RIN3: variants seen among roughly 807,000 people sequenced by gnomAD.
RIN3 encodes Ras and Rab interactor 3.
A neutral mutation model predicts 76.3 loss-of-function variants in RIN3; 54 were observed. The observed-to-expected ratio is 0.71, with a 90% confidence interval of 0.57 to 0.89. RIN3 has a LOEUF of 0.89. RIN3 is among the 40% of genes least tolerant of loss of function. The pLI, the probability that RIN3 is intolerant of heterozygous loss-of-function variation, is 0.00. For missense variants in RIN3, 1,256 were observed against 1,322.1 expected (o/e 0.95, Z 0.78); for synonymous variants, 576 against 564.0 (o/e 1.02, Z -0.30).
chr14:92,562,672 T>C (rs950832108), intron 2 of RIN3, among the ~76,000 whole-genome samples: 1 of 152,132 alleles, frequency 6.6e-6, no homozygotes, highest in Admixed American at 6.5e-5. Flanking sequence ...TCACTGTGCA[T>C]GTGGGTGTGT....
At chr14:92,530,293 A>G (rs968626695) in intron 1 of RIN3, among the ~76,000 whole-genome samples, 7 of 152,192 alleles carry the variant, frequency 4.6e-5, no homozygotes, top group African/African-American at 1.4e-4. Context: ...TCTCACCTTC[A>G]GTGACATTGA....
chr14:92,667,159 C>T (rs989153492), intron 7 of RIN3, among the ~76,000 whole-genome samples: 1 of 152,040 alleles, frequency 6.6e-6, no homozygotes, highest in East Asian at 1.9e-4. Context: ...GTGACATTGA[C>T]GGGGTAGAGA....
intron 2 of RIN3, among the ~76,000 whole-genome samples, chr14:92,556,338 TA>T (rs142920317): frequency 8.7e-5 from 13 of 148,708 alleles, no homozygotes; most frequent in African/African-American, 2.7e-4. Context: ...AGAGCCAGGG[TA>T]AAAAAAAAAT....
At chr14:92,625,569 C>T (rs1054039077) in intron 4 of RIN3, among the ~76,000 whole-genome samples, 1 of 152,146 alleles carries the variant, frequency 6.6e-6, no homozygotes, top group African/African-American at 2.4e-5. Context: ...GTTTCTTTTT[C>T]CTTCCCCAAC....
In RIN3 at chr14:92,570,641, G is replaced by A. The variant is rs867567593; in HGVS notation, c.250-6719G>A. On this transcript the variant is annotated intron_variant, in intron 2 of 9. Transcript: ENST00000216487. ...CACGCCATTGCACTCCAGCCTCAGC[G>A]ACAAAGTGAGACTGTCTCAAAAAAA... Among the ~76,000 whole-genome samples the A allele has an allele frequency of 5.3e-4, 71 of 134,814 alleles. 1 individual carries two copies. In the Middle Eastern group the frequency reaches 0.015, roughly 28 times the overall value. The allele number at this position is 134,814 out of a possible 152,430, so 88.4% of individuals were successfully genotyped here. A position where few individuals can be genotyped will look rare whatever the true frequency, so the allele number is the denominator to read the frequency against.
At chr14:92,659,769 C>T (rs1019837671) in intron 7 of RIN3, among the ~76,000 whole-genome samples, 9 of 152,210 alleles carry the variant, frequency 5.9e-5, no homozygotes, top group South Asian at 2.1e-4. Flanking sequence ...GCTGCTGAAA[C>T]GATACCACAA....
At position 92,659,292 on chromosome 14, in the gene RIN3, C is replaced by A; in HGVS notation, c.2158C>A (p.Leu720Met). ...GCTCAAGGAGAACCAGTTAGTGATCCTGGCCACCACCACCACTGACCTAGG... is the reference window on the plus strand; with the variant it reads ...GCTCAAGGAGAACCAGTTAGTGATCATGGCCACCACCACCACTGACCTAGG... ...QQLKENQLVI[L>M]ATTTTDLGVT... Residue 720 changes from leucine (L) to methionine (M), a missense_variant, in exon 7 of 10, where the codon CTG becomes ATG. Physicochemically the swap from Leu to Met is conservative, Grantham distance 15 (BLOSUM62 2). Around this residue, in one of 3 missense-constraint regions of RIN3, gnomAD observed 428 missense variants for 521.2 expected, o/e 0.82. Transcript: ENST00000216487. 1 of 1,613,784 alleles carries A rather than the reference C, an allele frequency of 6.2e-7. No individual in the cohort carries two copies. The highest frequency in any genetic ancestry group is 8.5e-7 in the Non-Finnish European group (1 of 1,179,780).
intron 3 of RIN3, among the ~76,000 whole-genome samples, chr14:92,614,267 G>C (rs1201543172): frequency 6.6e-6 from 1 of 152,220 alleles, no homozygotes; most frequent in East Asian, 1.9e-4. Flanking sequence ...AGATCTGGGT[G>C]ACAGGCCAGT....
intron 1 of RIN3, among the ~76,000 whole-genome samples, chr14:92,543,635 T>C (rs1484042456): frequency 5.3e-5 from 8 of 149,756 alleles, no homozygotes; most frequent in Non-Finnish European, 1.0e-4. Context: ...TTTTTTTTTT[T>C]TTTTTTTTTA....
chr14:92,572,123 G>A (rs1389663123), intron 2 of RIN3, among the ~76,000 whole-genome samples: 1 of 152,234 alleles, frequency 6.6e-6, no homozygotes, highest in South Asian at 2.1e-4. Context: ...CTTTGACTTA[G>A]GGTTTTCTGT....
chr14:92,606,319 G>A (rs189935225), intron 3 of RIN3, among the ~76,000 whole-genome samples: 1 of 152,166 alleles, frequency 6.6e-6, no homozygotes. Flanking sequence ...TGGAAGGATT[G>A]CTTGAGCCCA....
chr14:92,676,902 C>A (rs959501273), intron 8 of RIN3, among the ~76,000 whole-genome samples: 13 of 152,020 alleles, frequency 8.6e-5, no homozygotes, highest in Admixed American at 2.6e-4. Flanking sequence ...GGGAAGGCTT[C>A]CTGGAGGAGG....
At chr14:92,545,934 G>GT (rs71123357) in intron 1 of RIN3, among the ~76,000 whole-genome samples, 12 of 131,500 alleles carry the variant, frequency 9.1e-5, no homozygotes, top group East Asian at 4.0e-4. Flanking sequence ...TCTTTTCTTT[G>GT]TTTTTTTTTG....
chr14:92,659,589 C>T (rs1161589307), intron 7 of RIN3, 120 bp downstream of exon 7: 2 of 947,896 alleles, frequency 2.1e-6, no homozygotes, highest in Non-Finnish European at 3.1e-6. Flanking sequence ...TTCAGAGCCC[C>T]CTTGGGGAGG....
chr14:92,652,871 C>T lies in RIN3; in HGVS notation c.1822C>T (p.Leu608=). 1 of 1,614,150 alleles carries T rather than the reference C, an allele frequency of 6.2e-7. No individual in the cohort carries two copies. The highest frequency in any genetic ancestry group is 8.5e-7 in the Non-Finnish European group (1 of 1,180,044). Residue 608 remains leucine (L), a synonymous_variant, in exon 6 of 10, where the codon CTG becomes TTG. Transcript: ENST00000216487. The surrounding 1 kb of genome is among the most constrained non-coding windows in gnomAD (Gnocchi z 6.4). ...CAAGCTGTACAAGAAGGTGGTGGAG[C>T]TGGCGCAGGACAAGGGCTCGTACTT... ...NRKLYKKVVE[L]AQDKGSYFGS... is the part of the protein sequence containing the mutation.
At chr14:92,550,258 C>T (rs1362119464) in intron 1 of RIN3, among the ~76,000 whole-genome samples, 1 of 152,070 alleles carries the variant, frequency 6.6e-6, no homozygotes, top group South Asian at 2.1e-4. Context: ...CGTTATAACT[C>T]GGGGGTTGGA....
intron 9 of RIN3, chr14:92,687,725 C>G (rs944770478): frequency 1.8e-6 from 1 of 543,380 alleles, no homozygotes; most frequent in South Asian, 2.3e-5. Flanking sequence ...CCAGAACTGT[C>G]GGCCCAGCTG....
At chr14:92,588,457 C>G (rs554120310) in intron 3 of RIN3, among the ~76,000 whole-genome samples, 5 of 152,048 alleles carry the variant, frequency 3.3e-5, no homozygotes, top group African/African-American at 1.2e-4. Flanking sequence ...AATTCCCAAC[C>G]TCAGGTGATC....
intron 1 of RIN3, among the ~76,000 whole-genome samples, chr14:92,541,223 T>TCCA (rs1156607459): frequency 6.6e-6 from 1 of 152,228 alleles, no homozygotes; most frequent in East Asian, 1.9e-4. Context: ...TCATAAACCC[T>TCCA]TGTTATCTCC....
Sources: gnomAD v4.1 joint callset for allele counts (sites outside exome capture counted in the v4.1 genomes callset) on GRCh38, gnomAD v4.1.1 for gene constraint, gnomAD v4.1.1 regional missense constraint, Gnocchi (gnomAD v3.1) non-coding constraint, MANE v1.5 for transcripts, NCBI Gene and HGNC (gene_info 2026-07-23, HGNC 2026-07-21) for gene names.